The following SLC13A3 variants were observed in gnomAD, a reference collection of about 807,000 sequenced individuals.
SLC13A3 encodes solute carrier family 13 member 3, also known as Na(+)/dicarboxylate cotransporter 3.
A neutral mutation model predicts 59.0 loss-of-function variants in SLC13A3; 40 were observed. The observed-to-expected ratio is 0.68, with a 90% CI of 0.53 to 0.88. SLC13A3 has a LOEUF of 0.88. Ranked by LOEUF, SLC13A3 falls within the 40% of genes least tolerant of loss-of-function variation. The pLI is 0.00. For synonymous variants in SLC13A3, 317 were observed against 330.3 expected (o/e 0.96, Z 0.44); for missense variants, 699 against 783.2 (o/e 0.89, Z 1.28).
intron 1 of SLC13A3, among the ~76,000 whole-genome samples, chr20:46,643,687 AC>A (rs761650126): frequency 6.6e-6 from 1 of 152,020 alleles, no homozygotes; most frequent in Non-Finnish European, 1.5e-5. Flanking sequence ...TTGACCTCTG[AC>A]CCCCCTCACC....
chr20:46,592,735 G>A (rs1039489053), intron 5 of SLC13A3, among the ~76,000 whole-genome samples: 1 of 152,114 alleles, frequency 6.6e-6, no homozygotes, highest in African/African-American at 2.4e-5. Flanking sequence ...GACCTAGTGG[G>A]ACCAATGGGT....
rs557211314 is a variant in SLC13A3 at position 46,581,726 on chromosome 20, G to A, written c.1219+1846C>T. Reference sequence around the variant, plus strand: ...AGGAAGTGGAGTTGGCAGAAGCCACGGGGATCAGACACTATAAGGGAACAA... The same window carrying A: ...AGGAAGTGGAGTTGGCAGAAGCCACAGGGATCAGACACTATAAGGGAACAA... On this transcript the variant is annotated intron_variant, in intron 9 of 12. Coordinates refer to ENST00000279027, the MANE Select transcript of SLC13A3 (RefSeq NM_022829.6). 4.0e-4 allele frequency among the ~76,000 whole-genome samples: 61 copies of A among 152,308 alleles called. 1 individual carries two copies. The highest frequency in any genetic ancestry group is 3.9e-3 in the Admixed American group (60 of 15,300).
intron 9 of SLC13A3, among the ~76,000 whole-genome samples, chr20:46,579,219 C>T (rs781515684): frequency 2.0e-4 from 30 of 152,144 alleles, no homozygotes; most frequent in Non-Finnish European, 4.0e-4. Context: ...TCACTGCAAC[C>T]TTGAACTCCT....
In SLC13A3 at chr20:46,600,052, CATG is replaced by C; in HGVS notation, c.542-18_542-16del. The C allele has an allele frequency of 6.4e-7, 1 of 1,551,786 alleles. No individual in the cohort carries two copies. Among genetic ancestry groups the C allele is most frequent in the Non-Finnish European group, 8.8e-7 (1 of 1,137,680 alleles). ...CCGCACAGCAGCTAGGAGGAAAGAG[CATG>C]ATGTCTTTAATGTAATGTAGCGAAT... On this transcript the variant is annotated splice_polypyrimidine_tract_variant and intron_variant, in intron 3 of 12. Coordinates refer to ENST00000279027, the MANE Select transcript of SLC13A3 (RefSeq NM_022829.6).
At chr20:46,624,361 C>A (rs932763186) in intron 1 of SLC13A3, among the ~76,000 whole-genome samples, 6 of 152,248 alleles carry the variant, frequency 3.9e-5, no homozygotes, top group Non-Finnish European at 7.3e-5. Flanking sequence ...TGTGTATTAT[C>A]TCAGTTTAAT....
chr20:46,575,407 C>G (rs1472212583), intron 10 of SLC13A3, among the ~76,000 whole-genome samples, 166 bp downstream of exon 10: 1 of 152,202 alleles, frequency 6.6e-6, no homozygotes, highest in African/African-American at 2.4e-5. Flanking sequence ...TCTGTAGCAC[C>G]AGGAATGAAC....
At chr20:46,612,105 CTCTT>C (rs2062502757) in intron 2 of SLC13A3, among the ~76,000 whole-genome samples, 1 of 133,186 alleles carries the variant, frequency 7.5e-6, no homozygotes, top group Non-Finnish European at 1.6e-5. Flanking sequence ...CTTTCTTTCT[CTCTT>C]TCTCTCTCTC....
At chr20:46,674,602 C>CGTGTGTGTGTGTGTGT (rs142752461), upstream of SLC13A3, among the ~76,000 whole-genome samples, 16 of 114,412 alleles carry the variant, frequency 1.4e-4, no homozygotes, top group Admixed American at 3.6e-4. Context: ...CGCGCGCGCG[C>CGTGTGTGTGTGTGTGT]GCGTGTGTGT....
At chr20:46,597,061 A>C (rs1422542410) in intron 4 of SLC13A3, among the ~76,000 whole-genome samples, 1 of 152,150 alleles carries the variant, frequency 6.6e-6, no homozygotes, top group Non-Finnish European at 1.5e-5. Flanking sequence ...TCTAAAAAAA[A>C]TTAATAAGTA....
intron 1 of SLC13A3, among the ~76,000 whole-genome samples, chr20:46,629,186 A>G (rs796712109): frequency 3.3e-5 from 5 of 152,350 alleles, no homozygotes; most frequent in African/African-American, 9.6e-5. Flanking sequence ...CTGAATACAC[A>G]AGTGATATAT....
chr20:46,572,755 C>A (rs180895791), intron 10 of SLC13A3, among the ~76,000 whole-genome samples: 2 of 152,080 alleles, frequency 1.3e-5, no homozygotes, highest in East Asian at 3.8e-4. Flanking sequence ...AGGTGGGTGC[C>A]GTTGTGATTC....
At chr20:46,677,135 A>G (rs1656724258) in intron 1 of SLC13A3, among the ~76,000 whole-genome samples, 1 of 152,214 alleles carries the variant, frequency 6.6e-6, no homozygotes, top group Admixed American at 6.5e-5. Flanking sequence ...ACTGGACTTG[A>G]ACTCCTGACC....
intron 3 of SLC13A3, among the ~76,000 whole-genome samples, chr20:46,606,398 T>A (rs2062437655): frequency 6.6e-6 from 1 of 152,222 alleles, no homozygotes; most frequent in Non-Finnish European, 1.5e-5. Context: ...TTGGTTAGCA[T>A]ATGGATGAGC....
chr20:46,588,307 G>A, intron 7 of SLC13A3, 144 bp from the exon 8 acceptor site: 2 of 540,878 alleles, frequency 3.7e-6, no homozygotes, highest in Non-Finnish European at 6.6e-6. Context: ...TCCCCAGGGA[G>A]TGCCCAGAGT....
At chr20:46,666,153 G>A (rs2063061478) in intron 1 of SLC13A3, among the ~76,000 whole-genome samples, 2 of 152,204 alleles carry the variant, frequency 1.3e-5, no homozygotes, top group African/African-American at 4.8e-5. Context: ...AGTGTGAGAG[G>A]AATACTAGTG....
chr20:46,613,367 T>C (rs982627785), intron 2 of SLC13A3, 93 bp downstream of exon 2: 1 of 1,152,492 alleles, frequency 8.7e-7, no homozygotes, highest in African/African-American at 1.6e-5. Context: ...TTTCTTGGCC[T>C]GGACGAGTAA....
chr20:46,662,891 C>T (rs576979680), intron 1 of SLC13A3, among the ~76,000 whole-genome samples: 11 of 152,282 alleles, frequency 7.2e-5, no homozygotes, highest in African/African-American at 2.6e-4. Context: ...GAGTTCAGCA[C>T]TTTTGTAACT....
rs141798751 is a variant in SLC13A3, at chr20:46,646,230, T to C, written c.111+5081A>G. ...TTCCTGGCCGCTCTCACTTCCAAAA[T>C]CCAGGACTAAGAGAGAAGGAGGAGG... On this transcript the variant is annotated intron_variant, in intron 1 of 12. Coordinates refer to ENST00000279027, the MANE Select transcript of SLC13A3 (RefSeq NM_022829.6). 1.2e-4 allele frequency among the ~76,000 whole-genome samples: 18 copies of C among 152,290 alleles called. No homozygotes were observed. The East Asian group carries it at 3.1e-3, about 26-fold the overall frequency.
intron 5 of SLC13A3, among the ~76,000 whole-genome samples, chr20:46,592,875 C>T (rs1198111743): frequency 2.0e-5 from 3 of 152,144 alleles, no homozygotes; most frequent in Non-Finnish European, 1.5e-5. Context: ...ATTTGCTTCC[C>T]CATGGTTGCC....
Sources: allele counts gnomAD v4.1 joint callset (sites outside exome capture counted in the v4.1 genomes callset), GRCh38; gene constraint gnomAD v4.1.1; transcripts MANE v1.5; gene names NCBI Gene and HGNC (gene_info 2026-07-23, HGNC 2026-07-21).